The following SCN4B variants were observed in gnomAD, a reference collection of about 807,000 sequenced individuals.
SCN4B encodes the protein sodium voltage-gated channel beta subunit 4, also known as sodium channel regulatory subunit beta-4.
SCN4B carries 20 observed loss-of-function variants against 19.6 expected under a neutral mutation model. The ratio of observed to expected loss-of-function variants is 1.02; its 90% confidence interval spans 0.72 to 1.48. The LOEUF is 1.48. Ranked by LOEUF, SCN4B falls within the 40% of genes most tolerant of loss-of-function variation. The pLI is 0.00. For missense variants in SCN4B, 271 were observed against 287.5 expected (o/e 0.94, Z 0.42); for synonymous variants, 127 against 122.8 (o/e 1.03, Z -0.22).
At chr11:118,139,456 T>C (rs1462226436) in intron 4 of SCN4B, among the ~76,000 whole-genome samples, 1 of 152,244 alleles carries the variant, frequency 6.6e-6, no homozygotes, top group Non-Finnish European at 1.5e-5. Flanking sequence ...TTGTATTACA[T>C]TTATTTGTAT....
intron 3 of SCN4B, among the ~76,000 whole-genome samples, chr11:118,142,017 T>G (rs1948105437): frequency 6.6e-6 from 1 of 152,258 alleles, no homozygotes; most frequent in Non-Finnish European, 1.5e-5. Flanking sequence ...CCAAGCTACC[T>G]GAGAATCCTG....
chr11:118,145,553 C>T (rs933747583), intron 1 of SCN4B: 1 of 1,124,478 alleles, frequency 8.9e-7, no homozygotes, highest in Non-Finnish European at 1.2e-6. Flanking sequence ...CGCCCCTCAC[C>T]TGGGGACGCA....
At position 118,136,270 on chromosome 11, in the gene SCN4B, G is replaced by C. The variant is rs955694090; in HGVS notation, c.*757C>G. ...AAGTAGAAATGCTTGGAAAGGCATA[G>C]GGAGCACTCGGGTACTCCAGGAAGG... On this transcript the variant is annotated 3_prime_UTR_variant, in exon 5 of 5. Transcript: ENST00000324727. 1 of 453,810 alleles carries C rather than the reference G, an allele frequency of 2.2e-6. No individual in the cohort carries two copies. Among genetic ancestry groups the C allele is most frequent in the Non-Finnish European group, 4.4e-6 (1 of 226,722 alleles). The allele number at this position is 453,810 out of a possible 1,614,324, so 28.1% of individuals were successfully genotyped here.
In SCN4B at chr11:118,136,239, T is replaced by A; in HGVS notation, c.*788A>T. 3 of 453,640 alleles carry A rather than the reference T, an allele frequency of 6.6e-6. No homozygotes were observed. Among genetic ancestry groups the A allele is most frequent in the Non-Finnish European group, 1.3e-5 (3 of 226,662 alleles). The allele number at this position is 453,640 out of a possible 1,614,324, so 28.1% of individuals were successfully genotyped here. On this transcript the variant is annotated 3_prime_UTR_variant, in exon 5 of 5. Coordinates refer to ENST00000324727, the MANE Select transcript of SCN4B (RefSeq NM_174934.4). ...CTGGCTCACTACCTCTGTGGCCCAA[T>A]TCCCCAAGTAGAAATGCTTGGAAAG... is the stretch of plus-strand genomic sequence containing the variant.
Position 118,135,859 on chromosome 11 carries a change from A to T in SCN4B, c.*1168T>A, listed in dbSNP as rs1947987562. The T allele has an allele frequency of 2.2e-6, 1 of 453,780 alleles. No homozygotes were observed. The highest frequency in any genetic ancestry group is 2.4e-5 in the Admixed American group (1 of 42,498). The allele number at this position is 453,780 out of a possible 1,614,324, so 28.1% of individuals were successfully genotyped here. A position where few individuals can be genotyped will look rare whatever the true frequency, so the allele number is the denominator to read the frequency against. The stretch of plus-strand genomic sequence containing the variant: ...AAGCAAAGGAAAACTGTGGGCACCC[A>T]CTCCCTGCTCCTCCCCAACCCCAGG... On this transcript the variant is annotated 3_prime_UTR_variant, in exon 5 of 5. Transcript: ENST00000324727.
intron 4 of SCN4B, among the ~76,000 whole-genome samples, chr11:118,138,655 G>A (rs1374596765): frequency 6.6e-6 from 1 of 152,176 alleles, no homozygotes; most frequent in African/African-American, 2.4e-5. Flanking sequence ...TAGGGCATGT[G>A]ACATTAAACA....
At position 118,141,246 on chromosome 11, in the gene SCN4B, T is replaced by G; in HGVS notation, c.554A>C (p.Lys185Thr). ...CTTCTTCAGGATGAAGATGATGAGT[T>G]TCTTGATCAGCAGGATGAGGATGAG... The part of the protein sequence containing the change: ...GLLILILLIK[K>T]LIIFILKKTR... The change falls in exon 4 of 5, where the codon AAA becomes ACA. Residue 185 changes from lysine to threonine, a missense_variant. Lys to Thr is a moderately conservative substitution (Grantham distance 78, BLOSUM62 -1). Coordinates refer to ENST00000324727, the MANE Select transcript of SCN4B (RefSeq NM_174934.4). 1 of 1,612,922 alleles carries G rather than the reference T, an allele frequency of 6.2e-7. No homozygotes were observed. Among genetic ancestry groups the G allele is most frequent in the Non-Finnish European group, 8.5e-7 (1 of 1,180,000 alleles).
chr11:118,150,746 C>T (rs945776083), intron 1 of SCN4B, among the ~76,000 whole-genome samples: 2 of 152,190 alleles, frequency 1.3e-5, no homozygotes, highest in South Asian at 2.1e-4. Context: ...GCTGTCCAGT[C>T]GTCTCTGTAT....
chr11:118,145,544 G>GC, intron 1 of SCN4B: 1 of 1,173,960 alleles, frequency 8.5e-7, no homozygotes, highest in Non-Finnish European at 1.1e-6. Context: ...CCCCGGCTCC[G>GC]CCCCTCACCT....
In SCN4B at chr11:118,150,437, G is replaced by T. The variant is rs79988240; in HGVS notation, c.61+2176C>A. 7.9e-3 allele frequency among the ~76,000 whole-genome samples: 1,204 copies of T among 152,206 alleles called. 14 individuals carry two copies. The highest frequency in any genetic ancestry group is 0.028 in the African/African-American group (1,154 of 41,508). On this transcript the variant is annotated intron_variant, in intron 1 of 4. Transcript: ENST00000324727. ...GAAGCTGTGAAAAGAGCCGCTCTAG[G>T]CCCCTCAAGTCTTTATCCTTCCACA...
intron 1 of SCN4B, among the ~76,000 whole-genome samples, chr11:118,151,151 C>CA (rs1264383329): frequency 3.4e-4 from 49 of 144,156 alleles, no homozygotes; most frequent in African/African-American, 1.1e-3. Flanking sequence ...CACACACACA[C>CA]ATCATTTTCA....
chr11:118,136,482 T>G lies in SCN4B; in HGVS notation c.*545A>C, dbSNP rs771920018. The G allele has an allele frequency of 4.4e-6, 2 of 453,696 alleles. No homozygotes were observed. Among genetic ancestry groups the G allele is most frequent in the East Asian group, 7.0e-5 (1 of 14,338 alleles). 28.1% of individuals were successfully genotyped at this position (453,696 alleles called of 1,614,324 possible). A position where few individuals can be genotyped will look rare whatever the true frequency, so the allele number is the denominator to read the frequency against. ...AGGAAGTTTCCTACTTGGAAGACTGTGGGGGATCTGGTATCCTATGAAGCA... is the reference window on the plus strand; with the variant it reads ...AGGAAGTTTCCTACTTGGAAGACTGGGGGGGATCTGGTATCCTATGAAGCA... On this transcript the variant is annotated 3_prime_UTR_variant, in exon 5 of 5. Transcript: ENST00000324727.
In SCN4B at chr11:118,134,157, G is replaced by A. The variant is rs1287797502; in HGVS notation, c.*2870C>T. ...CTCCCCAGGCCTCTCTAACATCAGG[G>A]GTTTATTCGGGCTGCCTTCTGTTCA... On this transcript the variant is annotated 3_prime_UTR_variant, in exon 5 of 5. Coordinates refer to ENST00000324727, the MANE Select transcript of SCN4B (RefSeq NM_174934.4). The A allele has an allele frequency of 6.6e-6, 3 of 454,202 alleles. No homozygotes were observed. Among genetic ancestry groups the A allele is most frequent in the South Asian group, 4.7e-5 (3 of 64,478 alleles). 28.1% of individuals were successfully genotyped at this position (454,202 alleles called of 1,614,324 possible). A position where few individuals can be genotyped will look rare whatever the true frequency, so the allele number is the denominator to read the frequency against.
intron 1 of SCN4B, among the ~76,000 whole-genome samples, chr11:118,151,041 G>A (rs186206676): frequency 9.2e-5 from 14 of 152,222 alleles, no homozygotes; most frequent in Admixed American, 8.5e-4. Context: ...GGTCTATACA[G>A]CTGAACAGTC....
At position 118,135,632 on chromosome 11, in the gene SCN4B, C is replaced by T. The variant is rs1452496736; in HGVS notation, c.*1395G>A. The T allele has an allele frequency of 6.6e-6, 3 of 454,268 alleles. No homozygotes were observed. Among genetic ancestry groups the T allele is most frequent in the Non-Finnish European group, 1.3e-5 (3 of 226,780 alleles). The allele number at this position is 454,268 out of a possible 1,614,324, so 28.1% of individuals were successfully genotyped here. A position where few individuals can be genotyped will look rare whatever the true frequency, so the allele number is the denominator to read the frequency against. ...GCACCTGGCCGACATCTCCAAGATT[C>T]AGTCACTGGCCAATTCCAGCCTCAT... On this transcript the variant is annotated 3_prime_UTR_variant, in exon 5 of 5. Transcript: ENST00000324727.
intron 4 of SCN4B, among the ~76,000 whole-genome samples, chr11:118,139,742 T>C (rs376745065): frequency 3.9e-5 from 6 of 152,194 alleles, no homozygotes; most frequent in East Asian, 3.8e-4. Flanking sequence ...CTTTGCTCAA[T>C]TGTAAAATAA....
rs1001219641 is a variant in SCN4B at position 118,137,067 on chromosome 11, G to C, written c.647C>G (p.Pro216Arg). 4 of 1,614,038 alleles carry C rather than the reference G, an allele frequency of 2.5e-6. No individual in the cohort carries two copies. Among genetic ancestry groups the C allele is most frequent in the African/African-American group, 2.7e-5 (2 of 74,926 alleles). ...TGGTTTCTCCTCTGCCTTGGAGCCA[G>C]GCAAGCCGTTCTCCGTGTTGTCATT... ...SGNDNTENGLPGSKAEEKPPS... is the reference protein window; with the variant it reads ...SGNDNTENGLRGSKAEEKPPS... Residue 216 changes from proline to arginine, a missense_variant, in exon 5 of 5, where the codon CCT becomes CGT. Physicochemically the swap from Pro to Arg is moderately radical, Grantham distance 103. Coordinates refer to ENST00000324727, the MANE Select transcript of SCN4B (RefSeq NM_174934.4).
rs1483472972 is a variant in SCN4B at position 118,136,225 on chromosome 11, C to T, written c.*802G>A. 6.6e-6 allele frequency: 3 copies of T among 453,656 alleles called. No individual in the cohort carries two copies. 28.1% of individuals were successfully genotyped at this position (453,656 alleles called of 1,614,324 possible). On this transcript the variant is annotated 3_prime_UTR_variant, in exon 5 of 5. Coordinates refer to ENST00000324727, the MANE Select transcript of SCN4B (RefSeq NM_174934.4). ...AGAGGCCCAGGACACTGGCTCACTA[C>T]CTCTGTGGCCCAATTCCCCAAGTAG...
intron 4 of SCN4B, among the ~76,000 whole-genome samples, chr11:118,140,867 G>T (rs777103419): frequency 2.0e-4 from 30 of 152,002 alleles, no homozygotes; most frequent in Non-Finnish European, 2.9e-4. Context: ...TTTTTCAAAG[G>T]CTCCTTAAGT....
Sources: gnomAD v4.1 joint callset for allele counts (sites outside exome capture counted in the v4.1 genomes callset) on GRCh38, gnomAD v4.1.1 for gene constraint, MANE v1.5 for transcripts, NCBI Gene and HGNC (gene_info 2026-07-23, HGNC 2026-07-21) for gene names.